Variants in XPA observed in about 807,000 individuals in gnomAD.
XPA encodes XPA, DNA damage recognition and repair factor.
XPA carries 27 observed loss-of-function variants against 35.7 expected under a neutral mutation model. That is an observed-to-expected ratio of 0.76 (90% CI 0.56 to 1.04). The LOEUF is 1.04. Ranked by LOEUF, XPA falls within the 50% of genes least tolerant of loss-of-function variation. The probability of loss-of-function intolerance (pLI) is 0.00; values close to 1 mark genes in which losing one functional copy is unlikely to be tolerated. For synonymous variants in XPA, 133 were observed against 118.4 expected (o/e 1.12, Z -0.80); for missense variants, 354 against 342.7 (o/e 1.03, Z -0.26).
At chr9:97,687,462 T>A (rs1461110056) in intron 3 of XPA, among the ~76,000 whole-genome samples, 1 of 152,120 alleles carries the variant, frequency 6.6e-6, no homozygotes, top group Admixed American at 6.5e-5. Flanking sequence ...AGTTACATTA[T>A]CTAGAGAAAA....
At chr9:97,669,567 T>C in the XPA span, 2 of 1,491,492 alleles carry the variant, frequency 1.3e-6, no homozygotes, top group South Asian at 1.1e-5. Flanking sequence ...TCTGTAGTAC[T>C]ACCTTAACTT....
chr9:97,670,374 C>G (rs891652312), downstream of XPA, among the ~76,000 whole-genome samples: 3 of 152,108 alleles, frequency 2.0e-5, no homozygotes, highest in East Asian at 5.8e-4. Flanking sequence ...AAGGTAAGCT[C>G]CCTGGGGTCT....
chr9:97,679,871 A>C (rs1315900301), intron 5 of XPA, among the ~76,000 whole-genome samples: 1 of 152,178 alleles, frequency 6.6e-6, no homozygotes, highest in African/African-American at 2.4e-5. Context: ...TAAATGCTCA[A>C]ACACATCACC....
downstream of XPA, chr9:97,674,880 T>C (rs1828300699): frequency 2.1e-6 from 1 of 470,844 alleles, no homozygotes; most frequent in East Asian, 4.5e-5. Context: ...AGTCCCACAA[T>C]AGAGGCCCCA....
intron 5 of XPA, among the ~76,000 whole-genome samples, chr9:97,678,514 C>G (rs1828439834): frequency 1.3e-5 from 2 of 152,088 alleles, no homozygotes; most frequent in Non-Finnish European, 2.9e-5. Flanking sequence ...AGAAATGAAC[C>G]AAAGCCACTG....
At chr9:97,675,782 G>A (rs775665543) in intron 5 of XPA, 195 bp from the exon 6 acceptor site, 9 of 662,412 alleles carry the variant, frequency 1.4e-5, no homozygotes, top group East Asian at 5.6e-5. Context: ...TCACTAGTTC[G>A]GCCTGTGAAT....
intron 4 of XPA, among the ~76,000 whole-genome samples, chr9:97,686,826 C>T (rs962633094): frequency 5.3e-5 from 8 of 152,034 alleles, no homozygotes; most frequent in African/African-American, 1.9e-4. Context: ...TTACCTGAGC[C>T]CGGGAGGTCA....
downstream of XPA, chr9:97,672,436 T>A (rs1446446692): frequency 6.6e-6 from 1 of 152,252 alleles, no homozygotes; most frequent in Non-Finnish European, 1.5e-5. Context: ...TGGGAATTCC[T>A]AGAATGTTTA....
the XPA span, among the ~76,000 whole-genome samples, chr9:97,654,678 C>T: frequency 2.6e-4 from 39 of 151,990 alleles, no homozygotes; most frequent in African/African-American, 8.7e-4. Context: ...CTTGATTTCA[C>T]GAGTGTATGC....
chr9:97,684,954 C>A lies in XPA; in HGVS notation c.642G>T (p.Met214Ile), dbSNP rs1192803547. Residue 214 changes from methionine to isoleucine, a missense_variant, in exon 5 of 6, where the codon ATG (methionine) becomes ATT (isoleucine). Physicochemically the swap from Met to Ile is conservative, Grantham distance 10. Transcript: ENST00000375128. ...KEVRQENREKMKQKKFDKKVK... is the reference protein window; with the variant it reads ...KEVRQENREKIKQKKFDKKVK... ...CTTTTTTATCAAATTTCTTCTGTTT[C>A]ATTTTTTCTCGGTTTTCCTGTCGGA... 1 of 1,613,520 alleles carries A rather than the reference C, an allele frequency of 6.2e-7. No individual in the cohort carries two copies. Among genetic ancestry groups the A allele is most frequent in the South Asian group, 1.1e-5 (1 of 91,058 alleles).
chr9:97,694,371 T>G (rs1828981682), intron 1 of XPA, among the ~76,000 whole-genome samples: 1 of 152,254 alleles, frequency 6.6e-6, no homozygotes, highest in Admixed American at 6.5e-5. Flanking sequence ...CGTATGCATA[T>G]CTGACAAAGG....
At chr9:97,689,440 C>A in intron 3 of XPA, 94 bp downstream of exon 3, 1 of 806,658 alleles carries the variant, frequency 1.2e-6, no homozygotes, top group Non-Finnish European at 2.1e-6. Flanking sequence ...TTCATAATTA[C>A]TAAGAAAATA....
chr9:97,659,014 C>T, the XPA span, among the ~76,000 whole-genome samples: 6 of 152,328 alleles, frequency 3.9e-5, no homozygotes, highest in East Asian at 1.2e-3. Flanking sequence ...TTAGAACTTA[C>T]TAAACTGAAA....
rs1376048257 is a variant in XPA, at chr9:97,674,962, T to TAGTTCCCCACTGTTTCCACCATC, written c.*454_*476dup. On this transcript the variant is annotated 3_prime_UTR_variant, in exon 6 of 6. Coordinates refer to ENST00000375128, the MANE Select transcript of XPA (RefSeq NM_000380.4). ...CTGCTATTAGGGCTTTTTCCAGCAG[T>TAGTTCCCCACTGTTTCCACCATC]AGTTCCCCACTGTTTCCACCATCGT... 1 of 521,482 alleles carries TAGTTCCCCACTGTTTCCACCATC rather than the reference T, an allele frequency of 1.9e-6. No homozygotes were observed. Among genetic ancestry groups the TAGTTCCCCACTGTTTCCACCATC allele is most frequent in the Non-Finnish European group, 3.7e-6 (1 of 268,236 alleles). 32.3% of individuals were successfully genotyped at this position (521,482 alleles called of 1,614,324 possible).
At chr9:97,688,419 C>T (rs1023204425) in intron 3 of XPA, among the ~76,000 whole-genome samples, 4 of 152,196 alleles carry the variant, frequency 2.6e-5, no homozygotes, top group East Asian at 1.9e-4. Context: ...ATTCGGTCTA[C>T]CTGGATAACC....
the XPA span, chr9:97,664,430 C>T: frequency 1.7e-4 from 271 of 1,602,326 alleles, no homozygotes; most frequent in Admixed American, 8.2e-4. Flanking sequence ...AGAACTATCT[C>T]GTGACTTTAC....
At chr9:97,685,077 T>A in intron 4 of XPA, 37 bp from the exon 5 acceptor site, 1 of 1,567,998 alleles carries the variant, frequency 6.4e-7, no homozygotes, top group Non-Finnish European at 8.8e-7. Context: ...AAGTTGTGAT[T>A]CAGACTTGCG....
intron 2 of XPA, among the ~76,000 whole-genome samples, chr9:97,692,567 G>A (rs1828926291): frequency 6.6e-6 from 1 of 152,166 alleles, no homozygotes. Context: ...TGAAGAGAAA[G>A]TGTGGTAGAA....
intron 1 of XPA, 46 bp downstream of exon 1, chr9:97,697,075 G>T: frequency 6.7e-7 from 1 of 1,502,824 alleles, no homozygotes; most frequent in South Asian, 1.3e-5. Flanking sequence ...TCTGGGGACC[G>T]GGGAGGCGGG....
Sources: allele counts gnomAD v4.1 joint callset (sites outside exome capture counted in the v4.1 genomes callset), GRCh38; gene constraint gnomAD v4.1.1; transcripts MANE v1.5; gene names NCBI Gene and HGNC (gene_info 2026-07-23, HGNC 2026-07-21).